Variants in ZNF606 observed in about 807,000 individuals in gnomAD.
ZNF606 encodes zinc finger protein 328.
A neutral mutation model predicts 74.9 loss-of-function variants in ZNF606; 37 were observed. That is an observed-to-expected ratio of 0.49 (90% CI 0.38 to 0.65). ZNF606 has a LOEUF of 0.65. Among genes scored for constraint, ZNF606 ranks in the 30% least tolerant of loss-of-function variants. The pLI is 0.00. For missense variants in ZNF606, 852 were observed against 952.9 expected (o/e 0.89, Z 1.39); for synonymous variants, 328 against 312.4 (o/e 1.05, Z -0.53).
rs777727469 is a variant in ZNF606 at position 57,988,595 on chromosome 19, C to T, written c.304G>A (p.Gly102Arg). ...LETYGHLLSV[G>R]NQIAKPEVIS... Reference sequence around the variant, plus strand: ...TTTACTTGGGCAGCACCTGCCTTACCCACAGAGAGCAGGTGACCATAGGTC... The same window carrying T: ...TTTACTTGGGCAGCACCTGCCTTACTCACAGAGAGCAGGTGACCATAGGTC... The change falls in exon 5 of 7, where the codon GGA (glycine) becomes AGA (arginine). Residue 102 changes from glycine (G) to arginine (R), a missense_variant and splice_region_variant. Coordinates refer to ENST00000551380, the MANE Select transcript of ZNF606 (RefSeq NM_001348022.3). The T allele has an allele frequency of 6.2e-7, 1 of 1,612,638 alleles. No individual in the cohort carries two copies. The highest frequency in any genetic ancestry group is 8.5e-7 in the Non-Finnish European group (1 of 1,179,162).
intron 4 of ZNF606, among the ~76,000 whole-genome samples, chr19:57,992,885 C>T (rs1202688037): frequency 2.0e-5 from 3 of 152,172 alleles, no homozygotes; most frequent in Non-Finnish European, 4.4e-5. Context: ...ATAACACCCC[C>T]CAAAGGATGC....
chr19:57,978,745 A>T lies in ZNF606; in HGVS notation c.1935T>A (p.Thr645=), dbSNP rs1294458428. 3 of 1,614,110 alleles carry T rather than the reference A, an allele frequency of 1.9e-6. No individual in the cohort carries two copies. Among genetic ancestry groups the T allele is most frequent in the African/African-American group, 1.3e-5 (1 of 74,942 alleles). The part of the protein sequence containing the change: ...QMAHLVRHQR[T]HTGEKPYECN... ...ATTCATAGGGTTTTTCTCCAGTATG[A>T]GTCCTTTGATGTCTAACAAGGTGAG... The change falls in exon 7 of 7, where the codon ACT becomes ACA. Residue 645 remains threonine (T), a synonymous_variant. Coordinates refer to ENST00000551380, the MANE Select transcript of ZNF606 (RefSeq NM_001348022.3). The surrounding 1 kb of genome is among the most constrained non-coding windows in gnomAD (Gnocchi z 4.4).
At chr19:57,993,940 G>A (rs1459936505) in intron 4 of ZNF606, among the ~76,000 whole-genome samples, 1 of 152,146 alleles carries the variant, frequency 6.6e-6, no homozygotes. Flanking sequence ...CAGCCTCACA[G>A]CCCTGCCCTG....
rs751624051 is a variant in ZNF606, at chr19:58,001,286, C to A, written c.31+3G>T. The A allele has an allele frequency of 6.2e-7, 1 of 1,614,148 alleles. No individual in the cohort carries two copies. The highest frequency in any genetic ancestry group is 8.5e-7 in the Non-Finnish European group (1 of 1,180,032). On this transcript the variant is annotated splice_donor_region_variant and intron_variant, in intron 2 of 6. Transcript: ENST00000551380. ...GCCCAGGAGAAACACAACTTGGACT[C>A]ACCCCAGGAGGCCCACGGGTTGATG...
chr19:57,979,839 T>C lies in ZNF606; in HGVS notation c.841A>G (p.Arg281Gly), dbSNP rs757895948. 1.2e-6 allele frequency: 2 copies of C among 1,613,622 alleles called. No individual in the cohort carries two copies. Among genetic ancestry groups the C allele is most frequent in the Non-Finnish European group, 8.5e-7 (1 of 1,180,012 alleles). ...YQSIQPIYPA[R>G]IQTGDNLFKC... ...AAAAGATTATCTCCAGTTTGTATTCTTGCAGGGTAAATAGGTTGAATGGAC... is the reference window on the plus strand; with the variant it reads ...AAAAGATTATCTCCAGTTTGTATTCCTGCAGGGTAAATAGGTTGAATGGAC... The change falls in exon 7 of 7, where the codon AGA becomes GGA. Residue 281 changes from arginine (R) to glycine (G), a missense_variant. Arg to Gly is a moderately radical substitution (Grantham distance 125). Around this residue, in one of 3 missense-constraint regions of ZNF606, gnomAD observed 545 missense variants for 542.5 expected, o/e 1.00. Transcript: ENST00000551380.
intron 4 of ZNF606, chr19:57,998,647 C>G (rs2073372700): frequency 6.6e-6 from 1 of 152,134 alleles, no homozygotes; most frequent in African/African-American, 2.4e-5. Context: ...GATTGTTGCA[C>G]AATTCTGTGA....
chr19:57,979,253 C>A lies in ZNF606; in HGVS notation c.1427G>T (p.Arg476Ile), dbSNP rs558529087. ...ATAAGGTTTTTCTCCTGTATGAATT[C>A]TCTTATGTACAATAAGATGAGAATT... is the stretch of plus-strand genomic sequence containing the variant. ...SWNSHLIVHK[R>I]IHTGEKPYVC... Residue 476 changes from arginine to isoleucine, a missense_variant, in exon 7 of 7, where the codon AGA becomes ATA. By Grantham distance (97) the Arg-to-Ile change is moderately conservative. Around this residue, in one of 3 missense-constraint regions of ZNF606, gnomAD observed 243 missense variants for 359.2 expected, o/e 0.68. Coordinates refer to ENST00000551380, the MANE Select transcript of ZNF606 (RefSeq NM_001348022.3). 1 of 1,613,942 alleles carries A rather than the reference C, an allele frequency of 6.2e-7. No individual in the cohort carries two copies. The highest frequency in any genetic ancestry group is 1.3e-5 in the African/African-American group (1 of 75,038).
At chr19:57,993,967 C>G (rs2073298383) in intron 4 of ZNF606, among the ~76,000 whole-genome samples, 1 of 152,128 alleles carries the variant, frequency 6.6e-6, no homozygotes, top group African/African-American at 2.4e-5. Context: ...ACACACAGAC[C>G]AGACGTCTCC....
Position 57,979,094 on chromosome 19 carries a change from G to A in ZNF606, c.1586C>T (p.Ala529Val). 6.2e-7 allele frequency: 1 copy of A among 1,613,798 alleles called. No homozygotes were observed. Among genetic ancestry groups the A allele is most frequent in the Admixed American group, 1.7e-5 (1 of 59,992 alleles). ...CTCTCCAGTATGCATTCTCATATGG[G>A]CAATAAGATGGGAGCTCCAGCTGAA... ...KSFSWSSHLI[A>V]HMRMHTGEKP... The change falls in exon 7 of 7, where the codon GCC (alanine) becomes GTC (valine). Residue 529 changes from alanine to valine, a missense_variant. This residue lies in a region of ZNF606 where 243 missense variants were observed against 359.2 expected (regional missense o/e 0.68). Coordinates refer to ENST00000551380, the MANE Select transcript of ZNF606 (RefSeq NM_001348022.3).
rs532129963 is a variant in ZNF606, at chr19:57,992,954, A to T, written c.178-4233T>A. On this transcript the variant is annotated intron_variant, in intron 4 of 6. Coordinates refer to ENST00000551380, the MANE Select transcript of ZNF606 (RefSeq NM_001348022.3). ...CTTAATGATAAAAGGAACTTTACAG[A>T]TATAATTAAGAATCTTTAGAGGGAT... is the stretch of plus-strand genomic sequence containing the variant. Among the ~76,000 whole-genome samples, 20 of 152,320 alleles carry T rather than the reference A, an allele frequency of 1.3e-4. 1 individual carries two copies. The highest frequency in any genetic ancestry group is 2.6e-4 in the Non-Finnish European group (18 of 68,040).
At chr19:58,002,040 T>C (rs753114988) in intron 1 of ZNF606, 24 of 382,450 alleles carry the variant, frequency 6.3e-5, no homozygotes, top group Non-Finnish European at 1.1e-4. Flanking sequence ...AATGGATTCC[T>C]GGGTATGTGT....
intron 4 of ZNF606, 113 bp downstream of exon 4, chr19:57,999,695 T>G (rs1435560604): frequency 9.1e-7 from 1 of 1,101,164 alleles, no homozygotes; most frequent in Non-Finnish European, 1.4e-6. Context: ...AACTTCCAGT[T>G]GCTTCCTTCC....
At chr19:57,982,915 G>A (rs1185449240) in intron 6 of ZNF606, among the ~76,000 whole-genome samples, 17 of 152,084 alleles carry the variant, frequency 1.1e-4, no homozygotes, top group Admixed American at 1.1e-3. Context: ...CCAAAGCACT[G>A]GGATTACAAA....
chr19:57,978,243 T>C lies in ZNF606; in HGVS notation c.*58A>G. 2 of 1,489,092 alleles carry C rather than the reference T, an allele frequency of 1.3e-6. No homozygotes were observed. The highest frequency in any genetic ancestry group is 1.8e-6 in the Non-Finnish European group (2 of 1,114,276). The allele number at this position is 1,489,092 out of a possible 1,614,324, so 92.2% of individuals were successfully genotyped here. Reference sequence around the variant, plus strand: ...AAAAATGTCCCCTCTTGATTATGTTTATAGGGTTTTCCTCAATGTGTTGTC... The same window carrying C: ...AAAAATGTCCCCTCTTGATTATGTTCATAGGGTTTTCCTCAATGTGTTGTC... On this transcript the variant is annotated 3_prime_UTR_variant, in exon 7 of 7. Transcript: ENST00000551380. This position sits in a 1 kb window ranked among gnomAD's most constrained non-coding sequence, Gnocchi z 4.4.
chr19:57,988,173 G>A, intron 6 of ZNF606, 34 bp downstream of exon 6: 1 of 1,571,498 alleles, frequency 6.4e-7, no homozygotes, highest in Non-Finnish European at 8.7e-7. Context: ...GGCTTGGGGG[G>A]AAGTTCCTTG....
chr19:57,993,687 C>T (rs2073294166), intron 4 of ZNF606, among the ~76,000 whole-genome samples: 1 of 152,214 alleles, frequency 6.6e-6, no homozygotes, highest in Non-Finnish European at 1.5e-5. Context: ...AGACTTGAGA[C>T]CGCGGCTAGG....
intron 4 of ZNF606, among the ~76,000 whole-genome samples, chr19:57,990,318 T>A (rs1256822203): frequency 6.7e-6 from 1 of 150,196 alleles, no homozygotes; most frequent in African/African-American, 2.5e-5. Context: ...TGAGCTGAGA[T>A]CACACCACTG....
chr19:58,000,651 G>A, intron 3 of ZNF606, 32 bp downstream of exon 3: 1 of 1,612,794 alleles, frequency 6.2e-7, no homozygotes, highest in Non-Finnish European at 8.5e-7. Context: ...CCACAATATG[G>A]CAGCCCACAG....
chr19:57,997,323 G>A (rs928627030), intron 4 of ZNF606: 2 of 152,176 alleles, frequency 1.3e-5, no homozygotes, highest in African/African-American at 2.4e-5. Flanking sequence ...CTGGGCTTCT[G>A]TAGTTAAAAC....
Sources: gnomAD v4.1 joint callset for allele counts (sites outside exome capture counted in the v4.1 genomes callset) on GRCh38, gnomAD v4.1.1 for gene constraint, gnomAD v4.1.1 regional missense constraint, Gnocchi (gnomAD v3.1) non-coding constraint, MANE v1.5 for transcripts, NCBI Gene and HGNC (gene_info 2026-07-23, HGNC 2026-07-21) for gene names.